The following MARCO variants were observed in gnomAD, a reference collection of about 807,000 sequenced individuals.
The protein encoded by MARCO is macrophage receptor with collagenous structure, also known as macrophage receptor MARCO.
In MARCO, 72 loss-of-function variants were observed where a neutral mutation model predicts 70.0. That is an observed-to-expected ratio of 1.03 (90% CI 0.85 to 1.25). The LOEUF (loss-of-function observed/expected upper bound fraction) is 1.25. MARCO is among the 50% of genes most tolerant of loss of function. The pLI is 0.00. For missense variants in MARCO, 696 were observed against 659.3 expected (o/e 1.06, Z -0.61); for synonymous variants, 273 against 243.1 (o/e 1.12, Z -1.14).
At chr2:118,986,550 A>G (rs10207940) in intron 12 of MARCO, among the ~76,000 whole-genome samples, 6,649 of 118,384 alleles carry the variant, frequency 0.056, 1,108 homozygotes, top group African/African-American at 0.22. Context: ...GAGAGAGAGG[A>G]AGGAAGGAAG....
chr2:118,986,523 GAAGA>G (rs1244645184), intron 12 of MARCO, among the ~76,000 whole-genome samples: 1 of 107,506 alleles, frequency 9.3e-6, no homozygotes, highest in East Asian at 3.0e-4. Flanking sequence ...CTGTCAAAAA[GAAGA>G]AAGAAAGAAA....
rs776799856 is a variant in MARCO, at chr2:118,982,128, A to G, written c.902-28A>G. 6 of 1,556,314 alleles carry G rather than the reference A, an allele frequency of 3.9e-6. No individual in the cohort carries two copies. The South Asian group carries it at 6.8e-5, about 18-fold the overall frequency. On this transcript the variant is annotated intron_variant, in intron 10 of 16. Transcript: ENST00000327097. ...ATCTGGGCCCTCTGCCAACCACCAC[A>G]GCCTGGCAGTCACTACTTTCCTTTC...
chr2:118,982,282 C>G (rs763710081), intron 11 of MARCO, 28 bp downstream of exon 11: 27 of 1,612,034 alleles, frequency 1.7e-5, no homozygotes, highest in Non-Finnish European at 2.3e-5. Context: ...ATGGTGGGCA[C>G]AGGGAGTGAT....
intron 1 of MARCO, among the ~76,000 whole-genome samples, chr2:118,950,457 A>AT (rs1679698837): frequency 3.3e-5 from 4 of 121,258 alleles, no homozygotes; most frequent in South Asian, 3.3e-4. Flanking sequence ...TTCAAAACAA[A>AT]ATTTTTTTAA....
At position 118,970,327 on chromosome 2, in the gene MARCO, C is replaced by T. The variant is rs1470942932; in HGVS notation, c.413C>T (p.Thr138Ile). The T allele has an allele frequency of 1.2e-6, 2 of 1,612,362 alleles. No homozygotes were observed. The highest frequency in any genetic ancestry group is 1.7e-5 in the Admixed American group (1 of 59,804). Residue 138 changes from threonine (T) to isoleucine (I), a missense_variant, in exon 3 of 17, where the codon ACT becomes ATT. Around this residue, in one of 3 missense-constraint regions of MARCO, gnomAD observed 605 missense variants for 537.6 expected, o/e 1.13. Transcript: ENST00000327097. The part of the protein sequence containing the change: ...EHLLQRVDNF[T>I]QNPGMFRIKG... The stretch of plus-strand genomic sequence containing the variant: ...TTGCTGCAGCGGGTAGACAACTTCA[C>T]TCAGAACCCAGGTTTGGCCTCCTCC...
Position 118,942,347 on chromosome 2 carries a change from C to A in MARCO, c.47C>A (p.Thr16Asn), listed in dbSNP as rs368761967. The A allele has an allele frequency of 6.2e-7, 1 of 1,613,780 alleles. No homozygotes were observed. The highest frequency in any genetic ancestry group is 1.3e-5 in the African/African-American group (1 of 75,010). The change falls in exon 1 of 17, where the codon ACC (threonine) becomes AAC (asparagine). Residue 16 changes from threonine (T) to asparagine (N), a missense_variant. Thr to Asn is a moderately conservative substitution (Grantham distance 65). Around this residue, in one of 3 missense-constraint regions of MARCO, gnomAD observed 605 missense variants for 537.6 expected, o/e 1.13. Transcript: ENST00000327097. The stretch of plus-strand genomic sequence containing the variant: ...AAGGAGGACGAGCTCTTGAGTGAGA[C>A]CCAACAAGCTGCTTTTCACCAAATT... Reference protein sequence around the residue: ...ILKEDELLSETQQAAFHQIAM... With the variant: ...ILKEDELLSENQQAAFHQIAM...
Position 118,977,318 on chromosome 2 carries a change from A to AAG in MARCO, c.614-136_614-135dup, listed in dbSNP as rs60485337. Among the ~76,000 whole-genome samples, 22 of 146,980 alleles carry AAG rather than the reference A, an allele frequency of 1.5e-4. 1 individual carries two copies. In the East Asian group the frequency reaches 2.3e-3, roughly 15 times the overall value. ...ATTGTGTGTGTGCATGTGTGTGAAA[A>AAG]AGAGAGAGAGAGAGAGAGTGAGAGT... On this transcript the variant is annotated intron_variant, in intron 6 of 16. Transcript: ENST00000327097.
At chr2:118,979,975 C>T (rs1680358644) in intron 8 of MARCO, among the ~76,000 whole-genome samples, 1 of 152,224 alleles carries the variant, frequency 6.6e-6, no homozygotes, top group South Asian at 2.1e-4. Context: ...AGCTGTGCTT[C>T]CTTGGCTAGA....
chr2:118,969,289 C>T (rs1039082098), intron 2 of MARCO, 28 bp downstream of exon 2: 1 of 1,590,294 alleles, frequency 6.3e-7, no homozygotes, highest in Non-Finnish European at 8.6e-7. Context: ...CTGTGTAGTC[C>T]CTCCTGGGGG....
At chr2:118,956,742 C>T (rs549555686) in intron 1 of MARCO, among the ~76,000 whole-genome samples, 71 of 152,096 alleles carry the variant, frequency 4.7e-4, no homozygotes, top group Middle Eastern at 3.4e-3. Context: ...ATATGATAGG[C>T]CATAAAATGA....
chr2:118,984,911 C>T (rs771075475), intron 12 of MARCO, among the ~76,000 whole-genome samples: 40 of 152,146 alleles, frequency 2.6e-4, no homozygotes, highest in Non-Finnish European at 5.6e-4. Context: ...TAAATAAAAT[C>T]GTTAATCTCT....
At chr2:118,989,804 C>T (rs1680587493) in intron 12 of MARCO, among the ~76,000 whole-genome samples, 1 of 152,184 alleles carries the variant, frequency 6.6e-6, no homozygotes, top group South Asian at 2.1e-4. Context: ...CTTGCATTTT[C>T]CCAAGTTTGT....
Position 118,974,333 on chromosome 2 carries a change from G to T in MARCO, c.461G>T (p.Gly154Val), listed in dbSNP as rs1278220180. The T allele has an allele frequency of 6.3e-7, 1 of 1,588,362 alleles. No homozygotes were observed. Among genetic ancestry groups the T allele is most frequent in the East Asian group, 2.3e-5 (1 of 44,204 alleles). ...FRIKGEQGAPGLQGHKGAMGM... is the reference protein window; with the variant it reads ...FRIKGEQGAPVLQGHKGAMGM... Reference sequence around the variant, plus strand: ...TAGTGTCTCTGTTCCTCTTCCTCAGGTCTTCAAGGTCACAAGGGGGCCATG... The same window carrying T: ...TAGTGTCTCTGTTCCTCTTCCTCAGTTCTTCAAGGTCACAAGGGGGCCATG... Residue 154 changes from glycine (G) to valine (V), a missense_variant and splice_region_variant, in exon 5 of 17, where the codon GGT becomes GTT. By Grantham distance (109) the Gly-to-Val change is moderately radical (BLOSUM62 -3). This residue lies in a region of MARCO where 605 missense variants were observed against 537.6 expected (regional missense o/e 1.13). Coordinates refer to ENST00000327097, the MANE Select transcript of MARCO (RefSeq NM_006770.4).
chr2:118,963,588 G>A (rs1386973968), intron 1 of MARCO, among the ~76,000 whole-genome samples: 1 of 151,984 alleles, frequency 6.6e-6, no homozygotes, highest in Non-Finnish European at 1.5e-5. Flanking sequence ...AGTATTCTGT[G>A]TGTTCATTAG....
chr2:118,942,818 C>A (rs1478883758), intron 1 of MARCO, among the ~76,000 whole-genome samples: 1 of 152,034 alleles, frequency 6.6e-6, no homozygotes, highest in Admixed American at 6.6e-5. Flanking sequence ...CTTTAAAATT[C>A]TTTAAGGGGA....
chr2:118,959,955 AG>A (rs1357392329), intron 1 of MARCO, among the ~76,000 whole-genome samples: 5 of 151,956 alleles, frequency 3.3e-5, no homozygotes, highest in African/African-American at 1.2e-4. Flanking sequence ...GGGGACTTGG[AG>A]GGAAGAGTGG....
intron 1 of MARCO, among the ~76,000 whole-genome samples, chr2:118,961,809 A>G (rs1344882873): frequency 1.3e-5 from 2 of 152,152 alleles, no homozygotes; most frequent in Non-Finnish European, 2.9e-5. Context: ...TATGTCCTGA[A>G]TGGTATTGCC....
At chr2:118,975,989 C>CTCCATCCTCTT (rs1239605619) in intron 6 of MARCO, among the ~76,000 whole-genome samples, 1 of 152,182 alleles carries the variant, frequency 6.6e-6, no homozygotes, top group Non-Finnish European at 1.5e-5. Flanking sequence ...GTGGGTCTCC[C>CTCCATCCTCTT]TCCATCCTCT....
At chr2:118,967,799 A>T (rs761834926) in intron 1 of MARCO, among the ~76,000 whole-genome samples, 17 of 152,152 alleles carry the variant, frequency 1.1e-4, no homozygotes, top group Non-Finnish European at 2.2e-4. Flanking sequence ...CACAATAGTT[A>T]AAACCCACCT....
Sources: gnomAD v4.1 joint callset for allele counts (sites outside exome capture counted in the v4.1 genomes callset) on GRCh38, gnomAD v4.1.1 for gene constraint, gnomAD v4.1.1 regional missense constraint, MANE v1.5 for transcripts, NCBI Gene and HGNC (gene_info 2026-07-23, HGNC 2026-07-21) for gene names.